Variants in BRIP1 observed in about 807,000 individuals in gnomAD.
BRIP1 encodes Fanconi anemia group J protein.
In BRIP1, 88 loss-of-function variants were observed where a neutral mutation model predicts 119.7. That is an observed-to-expected ratio of 0.74 (90% confidence interval 0.62 to 0.88). The LOEUF is 0.88. Among genes scored for constraint, BRIP1 ranks in the 40% least tolerant of loss-of-function variants. The pLI, the probability that BRIP1 is intolerant of heterozygous loss-of-function variation, is 0.00. For synonymous variants in BRIP1, 443 were observed against 496.5 expected (o/e 0.89, Z 1.43); for missense variants, 1,259 against 1,455.4 (o/e 0.87, Z 2.20).
chr17:61,721,230 C>T (rs8066209), intron 16 of BRIP1, among the ~76,000 whole-genome samples: 5,983 of 135,640 alleles, frequency 0.044, 442 homozygotes, highest in African/African-American at 0.15. Flanking sequence ...ATTGGGAGGT[C>T]AAAAAATTTT....
intron 14 of BRIP1, among the ~76,000 whole-genome samples, chr17:61,765,662 T>G (rs1270778389): frequency 6.6e-6 from 1 of 150,790 alleles, no homozygotes; most frequent in Non-Finnish European, 1.5e-5. Context: ...CTTGAACTCC[T>G]GACCTCAGGT....
At position 61,774,176 on chromosome 17, in the gene BRIP1, G is replaced by C. The variant is rs1257765569; in HGVS notation, c.2097+2225C>G. ...GCCTATTCACAATAGCAAAGACTTG[G>C]AACCAACCCAAATGTCCATCAATGA... On this transcript the variant is annotated intron_variant, in intron 14 of 19. Coordinates refer to ENST00000259008, the MANE Select transcript of BRIP1 (RefSeq NM_032043.3). The surrounding 1 kb of genome is among the most constrained non-coding windows in gnomAD (Gnocchi z 5.8). Among the ~76,000 whole-genome samples the C allele has an allele frequency of 6.6e-6, 1 of 152,128 alleles. No homozygotes were observed. Among genetic ancestry groups the C allele is most frequent in the Non-Finnish European group, 1.5e-5 (1 of 68,018 alleles).
rs1397439822 is a variant in BRIP1, at chr17:61,720,313, A to G, written c.2380-4250T>C. On this transcript the variant is annotated intron_variant, in intron 16 of 19. Coordinates refer to ENST00000259008, the MANE Select transcript of BRIP1 (RefSeq NM_032043.3). The surrounding 1 kb of genome is among the most constrained non-coding windows in gnomAD (Gnocchi z 4.3). ...AATGTTTGAGATGACAGATACGCTA[A>G]TTACCCTGATCTAATCAATAAACAT... Among the ~76,000 whole-genome samples, 1 of 152,234 alleles carries G rather than the reference A, an allele frequency of 6.6e-6. No individual in the cohort carries two copies. The highest frequency in any genetic ancestry group is 2.4e-5 in the African/African-American group (1 of 41,460).
rs2077523634 is a variant in BRIP1, at chr17:61,775,811, C to T, written c.2097+590G>A. 6.6e-6 allele frequency: 1 copy of T among 152,072 alleles called. No individual in the cohort carries two copies. The highest frequency in any genetic ancestry group is 2.4e-5 in the African/African-American group (1 of 41,402). The allele number at this position is 152,072 out of a possible 1,614,324, so 9.4% of individuals were successfully genotyped here. On this transcript the variant is annotated intron_variant, in intron 14 of 19. Coordinates refer to ENST00000259008, the MANE Select transcript of BRIP1 (RefSeq NM_032043.3). The surrounding 1 kb of genome is among the most constrained non-coding windows in gnomAD (Gnocchi z 4.4). ...TCTACTCTGAAAATATCGACTTGTC[C>T]CTAAGAATAAAAATGTACACATAAA... is the stretch of plus-strand genomic sequence containing the variant.
chr17:61,787,591 T>C (rs887963720), intron 10 of BRIP1, among the ~76,000 whole-genome samples: 6 of 151,124 alleles, frequency 4.0e-5, no homozygotes, highest in Non-Finnish European at 8.9e-5. Context: ...GGTGCAATAC[T>C]AGTAATTCCT....
chr17:61,683,631 G>T lies in BRIP1; in HGVS notation c.3415C>A (p.Pro1139Thr), dbSNP rs1186451404. 2 of 1,612,262 alleles carry T rather than the reference G, an allele frequency of 1.2e-6. No homozygotes were observed. Among genetic ancestry groups the T allele is most frequent in the East Asian group, 4.5e-5 (2 of 44,878 alleles). The change falls in exon 20 of 20, where the codon CCT becomes ACT. Residue 1139 changes from proline to threonine, a missense_variant. Physicochemically the swap from Pro to Thr is conservative, Grantham distance 38 (BLOSUM62 -1). Transcript: ENST00000259008. The surrounding 1 kb of genome is among the most constrained non-coding windows in gnomAD (Gnocchi z 4.7). Reference sequence around the variant, plus strand: ...TTTTTTTCTTCATCTGTATCTTCAGGATCATAAAGTTCAGGTGTAAAATAG... The same window carrying T: ...TTTTTTTCTTCATCTGTATCTTCAGTATCATAAAGTTCAGGTGTAAAATAG... ...SIYFTPELYD[P>T]EDTDEEKNDL...
chr17:61,851,346 T>C lies in BRIP1; in HGVS notation c.380-2090A>G, dbSNP rs1227232533. The stretch of plus-strand genomic sequence containing the variant: ...GAGTCATGTTTCTTTCTTTATAAGG[T>C]TCTTAGAAACACAGTTTGAAAACCA... On this transcript the variant is annotated intron_variant, in intron 4 of 19. Transcript: ENST00000259008. The surrounding 1 kb of genome is among the most constrained non-coding windows in gnomAD (Gnocchi z 4.6). Among the ~76,000 whole-genome samples, 1 of 152,186 alleles carries C rather than the reference T, an allele frequency of 6.6e-6. No homozygotes were observed. The highest frequency in any genetic ancestry group is 2.4e-5 in the African/African-American group (1 of 41,434).
At position 61,798,656 on chromosome 17, in the gene BRIP1, A is replaced by C. The variant is rs1180921583; in HGVS notation, c.1340+444T>G. 1.3e-5 allele frequency among the ~76,000 whole-genome samples: 2 copies of C among 152,062 alleles called. No homozygotes were observed. The highest frequency in any genetic ancestry group is 2.4e-5 in the African/African-American group (1 of 41,446). On this transcript the variant is annotated intron_variant, in intron 9 of 19. Coordinates refer to ENST00000259008, the MANE Select transcript of BRIP1 (RefSeq NM_032043.3). The surrounding 1 kb of genome is among the most constrained non-coding windows in gnomAD (Gnocchi z 5.5). ...AAAAGAAAAATTAGTGTAAATTGTC[A>C]TAAAGCTAGTACTAAATATATTATT...
Position 61,748,319 on chromosome 17 carries a change from C to A in BRIP1, c.2098-3728G>T, listed in dbSNP as rs2077086016. ...CCGAAACCATCACCCCCACCCCCAA[C>A]CCAGGTCTGTGGAAAAGCTGTCTTC... On this transcript the variant is annotated intron_variant, in intron 14 of 19. Coordinates refer to ENST00000259008, the MANE Select transcript of BRIP1 (RefSeq NM_032043.3). This position sits in a 1 kb window ranked among gnomAD's most constrained non-coding sequence, Gnocchi z 4.7. Among the ~76,000 whole-genome samples, 1 of 152,204 alleles carries A rather than the reference C, an allele frequency of 6.6e-6. No homozygotes were observed. The highest frequency in any genetic ancestry group is 6.5e-5 in the Admixed American group (1 of 15,292).
In BRIP1 at chr17:61,823,793, CACA is replaced by C. The variant is rs1567850216; in HGVS notation, c.628-15039_628-15037del. ...ACACACACACACACACACACACACA[CACA>C]CCTTAGTTGAATTGCTGAAAGCAGA... is the stretch of plus-strand genomic sequence containing the variant. On this transcript the variant is annotated intron_variant, in intron 6 of 19. Coordinates refer to ENST00000259008, the MANE Select transcript of BRIP1 (RefSeq NM_032043.3). The surrounding 1 kb of genome is among the most constrained non-coding windows in gnomAD (Gnocchi z 4.8). Among the ~76,000 whole-genome samples the C allele has an allele frequency of 4.7e-5, 7 of 150,454 alleles. No individual in the cohort carries two copies. Among genetic ancestry groups the C allele is most frequent in the African/African-American group, 1.7e-4 (7 of 41,154 alleles).
rs2078534494 is a variant in BRIP1, at chr17:61,834,115, A to G, written c.627+12986T>C. ...GGGTCATAGTTTGCCAACCACTGGC[A>G]TAGGAAAAAAGATTACGACAAAAAA... On this transcript the variant is annotated intron_variant, in intron 6 of 19. Coordinates refer to ENST00000259008, the MANE Select transcript of BRIP1 (RefSeq NM_032043.3). The surrounding 1 kb of genome is among the most constrained non-coding windows in gnomAD (Gnocchi z 4.4). Among the ~76,000 whole-genome samples, 1 of 152,206 alleles carries G rather than the reference A, an allele frequency of 6.6e-6. No homozygotes were observed. Among genetic ancestry groups the G allele is most frequent in the Non-Finnish European group, 1.5e-5 (1 of 68,034 alleles).
Position 61,768,523 on chromosome 17 carries a change from G to A in BRIP1, c.2097+7878C>T, listed in dbSNP as rs2077402789. 6.6e-6 allele frequency among the ~76,000 whole-genome samples: 1 copy of A among 152,138 alleles called. No individual in the cohort carries two copies. The highest frequency in any genetic ancestry group is 1.5e-5 in the Non-Finnish European group (1 of 68,022). ...AGCATTTATGGAAAGATTATTATGT[G>A]CAGTTGTGATGCCTTTGCTACCTAA... On this transcript the variant is annotated intron_variant, in intron 14 of 19. Transcript: ENST00000259008. This position sits in a 1 kb window ranked among gnomAD's most constrained non-coding sequence, Gnocchi z 5.0.
At position 61,757,654 on chromosome 17, in the gene BRIP1, A is replaced by G. The variant is rs1293854541; in HGVS notation, c.2098-13063T>C. ...AACTTCAAAAAATGACATTTGTAAA[A>G]CAACTAACATATTTACACATGAAAT... is the stretch of plus-strand genomic sequence containing the variant. On this transcript the variant is annotated intron_variant, in intron 14 of 19. Coordinates refer to ENST00000259008, the MANE Select transcript of BRIP1 (RefSeq NM_032043.3). This position sits in a 1 kb window ranked among gnomAD's most constrained non-coding sequence, Gnocchi z 4.3. Among the ~76,000 whole-genome samples, 1 of 152,220 alleles carries G rather than the reference A, an allele frequency of 6.6e-6. No individual in the cohort carries two copies. Among genetic ancestry groups the G allele is most frequent in the Admixed American group, 6.5e-5 (1 of 15,278 alleles).
chr17:61,849,306 A>C (rs762039097), intron 4 of BRIP1, 50 bp from the exon 5 acceptor site: 2 of 1,530,008 alleles, frequency 1.3e-6, no homozygotes, highest in Non-Finnish European at 1.8e-6. Context: ...ACAGGTAGGC[A>C]ATTTTTCTAG....
At chr17:61,847,644 G>C (rs1258275373) in intron 5 of BRIP1, among the ~76,000 whole-genome samples, 1 of 152,036 alleles carries the variant, frequency 6.6e-6, no homozygotes, top group South Asian at 2.1e-4. Flanking sequence ...AAACAGTCAT[G>C]ATTTCCTACA....
At position 61,708,236 on chromosome 17, in the gene BRIP1, T is replaced by A. The variant is rs1475765555; in HGVS notation, c.2492+7715A>T. Among the ~76,000 whole-genome samples the A allele has an allele frequency of 2.0e-5, 3 of 151,538 alleles. No homozygotes were observed. The highest frequency in any genetic ancestry group is 2.9e-5 in the Non-Finnish European group (2 of 67,916). ...CACGGTCAAATGTAGTCCAAAAATATTAAATGGAAAATTCCAGAAATAATT... is the reference window on the plus strand; with the variant it reads ...CACGGTCAAATGTAGTCCAAAAATAATAAATGGAAAATTCCAGAAATAATT... On this transcript the variant is annotated intron_variant, in intron 17 of 19. Coordinates refer to ENST00000259008, the MANE Select transcript of BRIP1 (RefSeq NM_032043.3). The surrounding 1 kb of genome is among the most constrained non-coding windows in gnomAD (Gnocchi z 4.4).
In BRIP1 at chr17:61,730,088, A is replaced by T. The variant is rs1185124916; in HGVS notation, c.2379+12925T>A. Among the ~76,000 whole-genome samples, 2 of 152,246 alleles carry T rather than the reference A, an allele frequency of 1.3e-5. No individual in the cohort carries two copies. Among genetic ancestry groups the T allele is most frequent in the Non-Finnish European group, 2.9e-5 (2 of 68,040 alleles). On this transcript the variant is annotated intron_variant, in intron 16 of 19. Coordinates refer to ENST00000259008, the MANE Select transcript of BRIP1 (RefSeq NM_032043.3). This position sits in a 1 kb window ranked among gnomAD's most constrained non-coding sequence, Gnocchi z 4.3. ...CTGAGTTATTTGTATAGCTTACTAT[A>T]GTCACTGACGCACTGGGGTGATGTG...
In BRIP1 at chr17:61,822,257, T is replaced by C. The variant is rs12939373; in HGVS notation, c.628-13500A>G. The stretch of plus-strand genomic sequence containing the variant: ...TCATTTTTTTCTGTAAAATCTTTGA[T>C]GTTACTAGAATTTTTATAAGCAAAT... On this transcript the variant is annotated intron_variant, in intron 6 of 19. Coordinates refer to ENST00000259008, the MANE Select transcript of BRIP1 (RefSeq NM_032043.3). This position sits in a 1 kb window ranked among gnomAD's most constrained non-coding sequence, Gnocchi z 4.4. Among the ~76,000 whole-genome samples, 7 of 152,218 alleles carry C rather than the reference T, an allele frequency of 4.6e-5. No individual in the cohort carries two copies. Among genetic ancestry groups the C allele is most frequent in the Non-Finnish European group, 8.8e-5 (6 of 68,034 alleles).
At position 61,808,737 on chromosome 17, in the gene BRIP1, C is replaced by T. The variant is rs202035881; in HGVS notation, c.648G>A (p.Arg216=). 1.9e-6 allele frequency: 3 copies of T among 1,613,268 alleles called. No individual in the cohort carries two copies. The highest frequency in any genetic ancestry group is 1.7e-5 in the Admixed American group (1 of 60,004). Residue 216 remains arginine, a synonymous_variant, in exon 7 of 20, where the codon AGG becomes AGA. Transcript: ENST00000259008. This position sits in a 1 kb window ranked among gnomAD's most constrained non-coding sequence, Gnocchi z 4.1. The part of the protein sequence containing the change: ...SPQKPPGHCS[R]CCCSTKQGNS... ...TTCCTTGTTTAGTAGAACAACAGCA[C>T]CTAGAACAGTGGCCAGGGGGCTGTA...
Sources: allele counts gnomAD v4.1 joint callset (sites outside exome capture counted in the v4.1 genomes callset), GRCh38; gene constraint gnomAD v4.1.1; non-coding constraint Gnocchi (gnomAD v3.1); transcripts MANE v1.5; gene names NCBI Gene and HGNC (gene_info 2026-07-23, HGNC 2026-07-21).